PDK1: variants seen among roughly 807,000 people sequenced by gnomAD.
PDK1 encodes the protein pyruvate dehydrogenase kinase 1.
Under a neutral mutation model 54.2 loss-of-function variants are expected in PDK1, and 39 were observed. The observed-to-expected ratio is 0.72, with a 90% CI of 0.56 to 0.94. The LOEUF (loss-of-function observed/expected upper bound fraction) is 0.94. PDK1 is among the 40% of genes least tolerant of loss of function. The probability of loss-of-function intolerance (pLI) is 0.00; values close to 1 mark genes in which losing one functional copy is unlikely to be tolerated. For synonymous variants in PDK1, 221 were observed against 207.1 expected (o/e 1.07, Z -0.58); for missense variants, 552 against 566.0 (o/e 0.98, Z 0.25).
the PDK1 span, among the ~76,000 whole-genome samples, chr2:172,682,574 T>C: frequency 6.6e-6 from 1 of 152,172 alleles, no homozygotes; most frequent in African/African-American, 2.4e-5. Flanking sequence ...GCAGGTGTGG[T>C]CATGTGACTA....
the PDK1 span, among the ~76,000 whole-genome samples, chr2:172,633,219 A>ATTT: frequency 3.3e-5 from 3 of 91,084 alleles, no homozygotes; most frequent in African/African-American, 1.1e-4. Context: ...ATTAAAAAAA[A>ATTT]TTTTTTTTTT....
chr2:172,633,513 A>T, the PDK1 span, among the ~76,000 whole-genome samples: 1 of 149,670 alleles, frequency 6.7e-6, no homozygotes, highest in Non-Finnish European at 1.5e-5. Flanking sequence ...CTGATAATTT[A>T]TAGTGCTAAG....
intron 8 of PDK1, 120 bp from the exon 9 acceptor site, chr2:172,586,158 C>CAA (rs373332447): frequency 2.7e-3 from 961 of 351,360 alleles, no homozygotes; most frequent in African/African-American, 5.0e-3. Context: ...GACTCTGTCT[C>CAA]AAAAAAAAAA....
intron 2 of PDK1, among the ~76,000 whole-genome samples, chr2:172,561,976 G>A (rs373562396): frequency 2.0e-5 from 3 of 152,004 alleles, no homozygotes; most frequent in African/African-American, 7.3e-5. Flanking sequence ...TGTAGAACTC[G>A]GAAAATCTTA....
At chr2:172,590,568 G>C (rs947967434) in intron 9 of PDK1, among the ~76,000 whole-genome samples, 1 of 152,206 alleles carries the variant, frequency 6.6e-6, no homozygotes, top group African/African-American at 2.4e-5. Flanking sequence ...CTGACTTCAG[G>C]AGTGAAGCTG....
At chr2:172,643,717 T>C in the PDK1 span, among the ~76,000 whole-genome samples, 1 of 152,028 alleles carries the variant, frequency 6.6e-6, no homozygotes, top group Non-Finnish European at 1.5e-5. Context: ...GAGCTGAGGG[T>C]GGGGAGAAAA....
the PDK1 span, among the ~76,000 whole-genome samples, chr2:172,687,476 A>G: frequency 6.6e-6 from 1 of 152,132 alleles, no homozygotes; most frequent in African/African-American, 2.4e-5. Context: ...AGAAGAGGGA[A>G]GTTAGAAGGA....
chr2:172,652,193 T>C, the PDK1 span, among the ~76,000 whole-genome samples: 1 of 152,252 alleles, frequency 6.6e-6, no homozygotes, highest in South Asian at 2.1e-4. Context: ...TAATCCATCA[T>C]ATAAACAGAA....
chr2:172,629,905 A>G, the PDK1 span, among the ~76,000 whole-genome samples: 3 of 152,284 alleles, frequency 2.0e-5, no homozygotes, highest in East Asian at 1.9e-4. Context: ...AAACGAGCCA[A>G]CCCTTTGGCT....
the PDK1 span, among the ~76,000 whole-genome samples, chr2:172,651,449 G>C: frequency 1.3e-5 from 2 of 152,130 alleles, no homozygotes; most frequent in African/African-American, 4.8e-5. Context: ...TCAAAAGCTA[G>C]CAGAAGGCAA....
rs534232888 is a variant in PDK1, at chr2:172,593,039, C to G, written c.1161C>G (p.Ile387Met). 7.2e-6 allele frequency: 11 copies of G among 1,520,048 alleles called. No homozygotes were observed. The South Asian group carries it at 1.2e-4, about 17-fold the overall frequency. The allele number at this position is 1,520,048 out of a possible 1,614,324, so 94.2% of individuals were successfully genotyped here. Residue 387 changes from isoleucine to methionine, a missense_variant, in exon 10 of 11, where the codon ATC becomes ATG. By Grantham distance (10) the Ile-to-Met change is conservative. Transcript: ENST00000282077. ...SLEGYGTDAV[I>M]YIKALSTDSI... ...AGGGTTACGGGACAGATGCAGTTAT[C>G]TACATTAAGGTAATAGCTGTAGTCT...
the PDK1 span, among the ~76,000 whole-genome samples, chr2:172,641,279 A>T: frequency 1.3e-5 from 2 of 151,868 alleles, no homozygotes; most frequent in Non-Finnish European, 2.9e-5. Context: ...GGCACGAATC[A>T]TCACCACACC....
At chr2:172,582,686 C>G (rs1158093458) in intron 8 of PDK1, among the ~76,000 whole-genome samples, 3 of 151,858 alleles carry the variant, frequency 2.0e-5, no homozygotes, top group Non-Finnish European at 2.9e-5. Context: ...TCCATTATTC[C>G]CTCCCTCCCT....
chr2:172,592,586 C>T (rs1425280247), intron 9 of PDK1, among the ~76,000 whole-genome samples: 1 of 152,154 alleles, frequency 6.6e-6, no homozygotes, highest in Non-Finnish European at 1.5e-5. Context: ...CTCCCCTCTC[C>T]TGGAGAAGTC....
the PDK1 span, among the ~76,000 whole-genome samples, chr2:172,670,698 A>G: frequency 6.6e-6 from 1 of 152,222 alleles, no homozygotes; most frequent in Non-Finnish European, 1.5e-5. Context: ...CAATATTGCA[A>G]TGATTGCAAA....
At chr2:172,611,322 G>C (rs1691454354), downstream of PDK1, among the ~76,000 whole-genome samples, 1 of 152,058 alleles carries the variant, frequency 6.6e-6, no homozygotes, top group South Asian at 2.1e-4. Context: ...AAAAGTACCA[G>C]AAATCAACCA....
chr2:172,640,091 A>T, the PDK1 span, among the ~76,000 whole-genome samples: 1 of 152,242 alleles, frequency 6.6e-6, no homozygotes, highest in Non-Finnish European at 1.5e-5. Context: ...ACAAACCATA[A>T]AGCCGAAGAA....
At chr2:172,656,385 C>T in the PDK1 span, among the ~76,000 whole-genome samples, 1 of 152,126 alleles carries the variant, frequency 6.6e-6, no homozygotes, top group Non-Finnish European at 1.5e-5. Flanking sequence ...ATGATTAAGT[C>T]TCAGCTTGTG....
intron 1 of PDK1, among the ~76,000 whole-genome samples, chr2:172,557,610 C>CGTGTGTGTGTGTGTGTGT (rs55753852): frequency 8.8e-4 from 125 of 142,018 alleles, no homozygotes; most frequent in African/African-American, 3.1e-3. Context: ...TCTTTTTTCC[C>CGTGTGTGTGTGTGTGTGT]GTGTGTGTGT....
Sources: gnomAD v4.1 joint callset for allele counts (sites outside exome capture counted in the v4.1 genomes callset) on GRCh38, gnomAD v4.1.1 for gene constraint, MANE v1.5 for transcripts, NCBI Gene and HGNC (gene_info 2026-07-23, HGNC 2026-07-21) for gene names.